Variants in ERGIC1 observed in about 807,000 individuals in gnomAD.
ERGIC1 encodes the protein endoplasmic reticulum-golgi intermediate compartment 1.
In ERGIC1, 19 loss-of-function variants were observed where a neutral mutation model predicts 38.3. The observed-to-expected ratio is 0.50, with a 90% CI of 0.35 to 0.73. The LOEUF (loss-of-function observed/expected upper bound fraction) is 0.73. ERGIC1 is among the 30% of genes least tolerant of loss of function. ERGIC1 has a pLI of 0.01. For missense variants in ERGIC1, 294 were observed against 389.2 expected (o/e 0.76, Z 2.06); for synonymous variants, 124 against 157.6 (o/e 0.79, Z 1.60).
Position 172,846,906 on chromosome 5 carries a change from A to G in ERGIC1, c.20+12473A>G, listed in dbSNP as rs1761293788. Among the ~76,000 whole-genome samples the G allele has an allele frequency of 6.6e-6, 1 of 152,248 alleles. No homozygotes were observed. ...TCTATTCGTTACAGAAAAAAGCACC[A>G]GGATATCCAGGCTGTCAGAGAAGAT... On this transcript the variant is annotated intron_variant, in intron 1 of 9. Transcript: ENST00000393784. The surrounding 1 kb of genome is among the most constrained non-coding windows in gnomAD (Gnocchi z 4.0).
In ERGIC1 at chr5:172,951,249, C is replaced by G. The variant is rs1423161149; in HGVS notation, c.*433C>G. Reference sequence around the variant, plus strand: ...TCTCCCCTGGGCAGCCAACCTGCCCCAGAGGCACCAGACCTGGGCTTTCAG... The same window carrying G: ...TCTCCCCTGGGCAGCCAACCTGCCCGAGAGGCACCAGACCTGGGCTTTCAG... On this transcript the variant is annotated 3_prime_UTR_variant, in exon 10 of 10. Coordinates refer to ENST00000393784, the MANE Select transcript of ERGIC1 (RefSeq NM_001031711.3). The G allele has an allele frequency of 6.5e-6, 1 of 154,304 alleles. No individual in the cohort carries two copies. 9.6% of individuals were successfully genotyped at this position (154,304 alleles called of 1,614,324 possible). A position where few individuals can be genotyped will look rare whatever the true frequency, so the allele number is the denominator to read the frequency against.
intron 3 of ERGIC1, among the ~76,000 whole-genome samples, chr5:172,900,334 T>TCCTC (rs1561725254): frequency 6.6e-6 from 1 of 152,000 alleles, no homozygotes; most frequent in African/African-American, 2.4e-5. Flanking sequence ...TGCCAGGACT[T>TCCTC]CCTCTCCCTC....
chr5:172,857,276 C>A (rs765001490), intron 1 of ERGIC1, among the ~76,000 whole-genome samples: 3 of 152,134 alleles, frequency 2.0e-5, no homozygotes, highest in Non-Finnish European at 4.4e-5. Flanking sequence ...TGGCATTGGA[C>A]GTAGCTGAGG....
intron 1 of ERGIC1, among the ~76,000 whole-genome samples, chr5:172,852,668 A>T (rs114806437): frequency 0.014 from 2,103 of 152,356 alleles, 29 homozygotes; most frequent in Non-Finnish European, 0.022. Flanking sequence ...CTTGGGTCTG[A>T]ACCTCAGCTC....
chr5:172,927,616 G>C (rs1763685241), intron 7 of ERGIC1, among the ~76,000 whole-genome samples: 1 of 139,110 alleles, frequency 7.2e-6, no homozygotes, highest in African/African-American at 2.7e-5. Flanking sequence ...GTCTTACTGT[G>C]TCACCCAGGC....
In ERGIC1 at chr5:172,926,627, G is replaced by A; in HGVS notation, c.541+58G>A. 6.3e-7 allele frequency: 1 copy of A among 1,590,378 alleles called. No homozygotes were observed. The highest frequency in any genetic ancestry group is 1.3e-5 in the African/African-American group (1 of 74,720). ...CCAAGATGCCCAGTACAGCAGGCAG[G>A]GAGGGGGAGGGCAGAGAGGTGGGGG... On this transcript the variant is annotated intron_variant, in intron 7 of 9. Transcript: ENST00000393784. This position sits in a 1 kb window ranked among gnomAD's most constrained non-coding sequence, Gnocchi z 5.2.
intron 1 of ERGIC1, among the ~76,000 whole-genome samples, chr5:172,843,321 CCAAGG>C (rs1284007974): frequency 1.3e-5 from 2 of 152,272 alleles, no homozygotes; most frequent in African/African-American, 4.8e-5. Context: ...AAATGGTAAG[CCAAGG>C]CACAGAGCTG....
intron 1 of ERGIC1, among the ~76,000 whole-genome samples, chr5:172,851,767 G>A (rs1381493781): frequency 6.6e-6 from 1 of 152,084 alleles, no homozygotes; most frequent in Non-Finnish European, 1.5e-5. Flanking sequence ...GTGAGGAGGT[G>A]GCTTTTAGAG....
intron 1 of ERGIC1, among the ~76,000 whole-genome samples, chr5:172,879,743 T>C (rs2113214242): frequency 1.3e-5 from 2 of 152,324 alleles, no homozygotes; most frequent in East Asian, 3.9e-4. Flanking sequence ...ATGGGATCAA[T>C]GGGAAACCTT....
At chr5:172,886,225 C>T (rs775279807) in intron 1 of ERGIC1, among the ~76,000 whole-genome samples, 4 of 152,174 alleles carry the variant, frequency 2.6e-5, no homozygotes, top group Non-Finnish European at 5.9e-5. Context: ...TCTCCCTGCA[C>T]ATCGGGCTGT....
intron 5 of ERGIC1, chr5:172,916,433 G>A (rs1363176132): frequency 6.6e-6 from 1 of 152,190 alleles, no homozygotes; most frequent in African/African-American, 2.4e-5. Context: ...AGCCATTTGA[G>A]GGTTTTGAAC....
intron 1 of ERGIC1, chr5:172,867,282 G>T (rs528619752): frequency 4.7e-6 from 2 of 424,746 alleles, no homozygotes; most frequent in Non-Finnish European, 4.8e-6. Context: ...GGGTACAGGC[G>T]GGGGTGGTGG....
chr5:172,903,276 G>A (rs897648861), intron 3 of ERGIC1, among the ~76,000 whole-genome samples: 4 of 152,118 alleles, frequency 2.6e-5, no homozygotes, highest in Non-Finnish European at 4.4e-5. Context: ...TGGGACAGAC[G>A]CAACTGGACC....
intron 1 of ERGIC1, among the ~76,000 whole-genome samples, chr5:172,859,258 C>T (rs1761635649): frequency 6.6e-6 from 1 of 152,120 alleles, no homozygotes; most frequent in Admixed American, 6.5e-5. Flanking sequence ...GGACCAGGCC[C>T]CGGCCTGGCC....
At chr5:172,870,548 C>G (rs1761977760) in intron 1 of ERGIC1, among the ~76,000 whole-genome samples, 1 of 152,244 alleles carries the variant, frequency 6.6e-6, no homozygotes, top group Non-Finnish European at 1.5e-5. Context: ...TTCCTGGAAT[C>G]TCTTTCAGAG....
At chr5:172,930,747 A>G (rs1763759902) in intron 7 of ERGIC1, among the ~76,000 whole-genome samples, 1 of 152,192 alleles carries the variant, frequency 6.6e-6, no homozygotes. Flanking sequence ...TTTGGACACC[A>G]CTATCAAGCG....
intron 3 of ERGIC1, among the ~76,000 whole-genome samples, chr5:172,899,152 G>A (rs1323142889): frequency 5.3e-5 from 8 of 152,008 alleles, no homozygotes; most frequent in African/African-American, 1.9e-4. Context: ...ACCAGCAGGT[G>A]CAAAGGGCCT....
At chr5:172,848,050 A>C (rs1761320808) in intron 1 of ERGIC1, among the ~76,000 whole-genome samples, 1 of 152,218 alleles carries the variant, frequency 6.6e-6, no homozygotes, top group African/African-American at 2.4e-5. Context: ...GAGATGTTGA[A>C]GACATAGTAG....
intron 9 of ERGIC1, chr5:172,937,031 G>C (rs1763899773): frequency 1.3e-5 from 2 of 152,060 alleles, no homozygotes; most frequent in South Asian, 4.2e-4. Flanking sequence ...AACAGACAGA[G>C]AGATACAAAG....
Sources: gnomAD v4.1 joint callset for allele counts (sites outside exome capture counted in the v4.1 genomes callset) on GRCh38, gnomAD v4.1.1 for gene constraint, Gnocchi (gnomAD v3.1) non-coding constraint, MANE v1.5 for transcripts, NCBI Gene and HGNC (gene_info 2026-07-23, HGNC 2026-07-21) for gene names.